Variants in NCAPH2 observed in about 807,000 individuals in gnomAD.
NCAPH2 encodes condensin-2 complex subunit H2.
Under a neutral mutation model 88.6 loss-of-function variants are expected in NCAPH2, and 56 were observed. The ratio of observed to expected loss-of-function variants is 0.63; its 90% CI spans 0.51 to 0.79. The LOEUF is 0.79. Ranked by LOEUF, NCAPH2 falls within the 30% of genes least tolerant of loss-of-function variation. The pLI, the probability that NCAPH2 is intolerant of heterozygous loss-of-function variation, is 0.00. For synonymous variants in NCAPH2, 378 were observed against 313.6 expected (o/e 1.21, Z -2.17); for missense variants, 794 against 792.0 (o/e 1.00, Z -0.03).
rs186129255 is a variant in NCAPH2, at chr22:50,508,716, C to G, written c.108+271C>G. ...TTGAGTGGGTGGTGACCAGCCGTTT[C>G]TCTAACGTAGTGGAATAGACTAGAA... On this transcript the variant is annotated intron_variant, in intron 1 of 19. Transcript: ENST00000420993. Among the ~76,000 whole-genome samples, 3 of 152,366 alleles carry G rather than the reference C, an allele frequency of 2.0e-5. No homozygotes were observed. The East Asian group carries it at 5.8e-4, about 29-fold the overall frequency.
chr22:50,511,755 C>T (rs796607759), intron 1 of NCAPH2, among the ~76,000 whole-genome samples: 9 of 151,212 alleles, frequency 6.0e-5, no homozygotes, highest in African/African-American at 2.2e-4. Context: ...GCGCCATTCT[C>T]CTACTTCAGC....
chr22:50,511,576 C>T (rs1409518301), intron 1 of NCAPH2, among the ~76,000 whole-genome samples: 7 of 143,272 alleles, frequency 4.9e-5, no homozygotes, highest in Non-Finnish European at 1.0e-4. Context: ...CAGGCCTGAG[C>T]CACCGCGTCC....
chr22:50,521,986 A>G lies in NCAPH2; in HGVS notation c.1109A>G (p.Tyr370Cys), dbSNP rs1291097503. ...QDFHQWYLAA[Y>C]ADHADSRRLR... is the part of the protein sequence containing the mutation. ...TGGTGCTGAGCATGTTCTTTCACAG[A>G]TGCAGACCATGCCGACAGCAGGCGG... is the stretch of plus-strand genomic sequence containing the variant. The change falls in exon 13 of 20, where the codon TAT (tyrosine) becomes TGT (cysteine). Residue 370 changes from tyrosine (Y) to cysteine (C), a missense_variant and splice_region_variant. By Grantham distance (194) the Tyr-to-Cys change is radical (BLOSUM62 -2). Transcript: ENST00000420993. The G allele has an allele frequency of 2.5e-6, 4 of 1,613,878 alleles. No homozygotes were observed. The Admixed American group carries it at 5.0e-5, about 20-fold the overall frequency.
rs2068970641 is a variant in NCAPH2 at position 50,517,804 on chromosome 22, C to T, written c.415C>T (p.Pro139Ser). Reference protein sequence around the residue: ...TNVDLKNDQTPSEVLIIPLLP... With the variant: ...TNVDLKNDQTSSEVLIIPLLP... ...CGTGGATCTCAAGAATGATCAGACG[C>T]CCAGTGTGAGTCCTGGCCTGGCCCC... The change falls in exon 5 of 20, where the codon CCC becomes TCC. Residue 139 changes from proline (P) to serine (S), a missense_variant. By Grantham distance (74) the Pro-to-Ser change is moderately conservative. This residue lies in a region of NCAPH2 where 735 missense variants were observed against 696.3 expected (regional missense o/e 1.06). Coordinates refer to ENST00000420993, the MANE Select transcript of NCAPH2 (RefSeq NM_152299.4). 3 of 1,613,768 alleles carry T rather than the reference C, an allele frequency of 1.9e-6. No homozygotes were observed. Among genetic ancestry groups the T allele is most frequent in the Admixed American group, 1.7e-5 (1 of 59,996 alleles).
chr22:50,510,096 G>A (rs2068744294), intron 1 of NCAPH2, among the ~76,000 whole-genome samples: 3 of 152,010 alleles, frequency 2.0e-5, no homozygotes, highest in Non-Finnish European at 2.9e-5. Flanking sequence ...TAATTTTTTT[G>A]TATTTTAGTA....
intron 7 of NCAPH2, 101 bp downstream of exon 7, chr22:50,518,379 C>T: frequency 6.7e-7 from 1 of 1,491,934 alleles, no homozygotes; most frequent in South Asian, 1.3e-5. Flanking sequence ...GTCTTGGGAG[C>T]TCCCTGTCTC....
intron 1 of NCAPH2, among the ~76,000 whole-genome samples, chr22:50,513,572 A>G (rs1488742634): frequency 6.6e-6 from 1 of 152,256 alleles, no homozygotes; most frequent in African/African-American, 2.4e-5. Flanking sequence ...GAGTCTGACC[A>G]GCATGGTGAA....
At chr22:50,512,422 T>C (rs1393919970) in intron 1 of NCAPH2, among the ~76,000 whole-genome samples, 1 of 152,228 alleles carries the variant, frequency 6.6e-6, no homozygotes, top group African/African-American at 2.4e-5. Context: ...TGCTTTCTTA[T>C]GTCTGCTCTT....
At chr22:50,511,089 G>A (rs916181134) in intron 1 of NCAPH2, among the ~76,000 whole-genome samples, 17 of 150,058 alleles carry the variant, frequency 1.1e-4, no homozygotes, top group African/African-American at 2.9e-4. Context: ...CTGGTGATCC[G>A]CCCGTGTCGG....
rs375431613 is a variant in NCAPH2, at chr22:50,522,458, G to T, written c.1306+43G>T. The stretch of plus-strand genomic sequence containing the variant: ...GGTGGGGTGGGGCTTGGCACCTGCC[G>T]ACTAGCTGCCTGCGTGCTGTTCACT... On this transcript the variant is annotated intron_variant, in intron 15 of 19. Transcript: ENST00000420993. The T allele has an allele frequency of 4.2e-4, 672 of 1,613,236 alleles. 1 individual carries two copies. Among genetic ancestry groups the T allele is most frequent in the South Asian group, 3.3e-3 (296 of 91,052 alleles).
chr22:50,517,342 C>T (rs550934220), intron 2 of NCAPH2, 85 bp from the exon 3 acceptor site: 109 of 1,439,356 alleles, frequency 7.6e-5, no homozygotes, highest in Admixed American at 2.4e-4. Flanking sequence ...GGCCAGGCCT[C>T]GTGGGGGCAC....
rs1556480139 is a variant in NCAPH2, at chr22:50,521,768, TGGA to T, written c.1034_1036del (p.Glu345del). The T allele has an allele frequency of 6.2e-7, 1 of 1,613,826 alleles. No individual in the cohort carries two copies. Among genetic ancestry groups the T allele is most frequent in the Non-Finnish European group, 8.5e-7 (1 of 1,180,022 alleles). ...AGGCCTTACTCTGTGCCCCCCTGTGTGGAGGAGGCTCTGGGACAGAAGCGCAAG... is the reference window on the plus strand; with the variant it reads ...AGGCCTTACTCTGTGCCCCCCTGTGTGGAGGCTCTGGGACAGAAGCGCAAG... On this transcript the variant is annotated inframe_deletion, in exon 12 of 20. Coordinates refer to ENST00000420993, the MANE Select transcript of NCAPH2 (RefSeq NM_152299.4).
Position 50,524,468 on chromosome 22 carries a change from G to C in NCAPH2, c.*1093G>C, listed in dbSNP as rs1157985806. The C allele has an allele frequency of 1.5e-5, 24 of 1,575,346 alleles. No individual in the cohort carries two copies. In the African/African-American group the frequency reaches 1.6e-4, roughly 11 times the overall value. ...GTCAGGAGCCAGAAGGGAAGGCCCA[G>C]GACAGTGCCTGGGCTGCCCCTGCGA... On this transcript the variant is annotated 3_prime_UTR_variant, in exon 20 of 20. Coordinates refer to ENST00000420993, the MANE Select transcript of NCAPH2 (RefSeq NM_152299.4).
intron 1 of NCAPH2, chr22:50,515,812 T>G: frequency 7.7e-7 from 1 of 1,295,506 alleles, no homozygotes; most frequent in Non-Finnish European, 1.0e-6. Flanking sequence ...GACATTTGAA[T>G]GTACTCTGTG....
chr22:50,519,046 C>T, intron 8 of NCAPH2, 144 bp from the exon 9 acceptor site: 2 of 747,764 alleles, frequency 2.7e-6, no homozygotes, highest in South Asian at 1.9e-5. Context: ...AGCACAGGAG[C>T]ACGACGAGGA....
chr22:50,520,944 A>G, intron 9 of NCAPH2, 21 bp from the exon 10 acceptor site: 1 of 1,550,302 alleles, frequency 6.5e-7, no homozygotes, highest in Non-Finnish European at 8.7e-7. Flanking sequence ...AGAAGTGGGG[A>G]CCCTGTGACT....
Position 50,523,638 on chromosome 22 carries a change from C to T in NCAPH2, c.*263C>T. The T allele has an allele frequency of 1.2e-6, 2 of 1,613,806 alleles. No individual in the cohort carries two copies. The highest frequency in any genetic ancestry group is 2.2e-5 in the East Asian group (1 of 44,888). On this transcript the variant is annotated 3_prime_UTR_variant, in exon 20 of 20. Transcript: ENST00000420993. The stretch of plus-strand genomic sequence containing the variant: ...AAGACAGGACACTGCGGAAAGCCGC[C>T]ATGTGCCGCCGCACACTGTCTGAGA...
At chr22:50,521,898 C>G in intron 12 of NCAPH2, 50 bp downstream of exon 12, 2 of 1,613,098 alleles carry the variant, frequency 1.2e-6, no homozygotes, top group Non-Finnish European at 1.7e-6. Flanking sequence ...GGGGGCTGGG[C>G]CAGGGCCAGT....
chr22:50,516,132 G>T (rs1439695995), intron 1 of NCAPH2, among the ~76,000 whole-genome samples: 1 of 152,162 alleles, frequency 6.6e-6, no homozygotes, highest in Non-Finnish European at 1.5e-5. Flanking sequence ...TCTGTGTCGG[G>T]GATCTTCCTG....
Sources: gnomAD v4.1 joint callset for allele counts (sites outside exome capture counted in the v4.1 genomes callset) on GRCh38, gnomAD v4.1.1 for gene constraint, gnomAD v4.1.1 regional missense constraint, MANE v1.5 for transcripts, NCBI Gene and HGNC (gene_info 2026-07-23, HGNC 2026-07-21) for gene names.